The following HOMER1 variants were observed in gnomAD, a reference collection of about 807,000 sequenced individuals.
HOMER1 encodes the protein homer protein homolog 1.
A neutral mutation model predicts 48.9 loss-of-function variants in HOMER1; 3 were observed. The ratio of observed to expected loss-of-function variants is 0.06; its 90% confidence interval spans 0.03 to 0.16. The LOEUF is 0.16. Ranked by LOEUF, HOMER1 falls within the 10% of genes least tolerant of loss-of-function variation. HOMER1 has a pLI of 1.00. For synonymous variants in HOMER1, 134 were observed against 146.4 expected (o/e 0.92, Z 0.61); for missense variants, 247 against 411.4 (o/e 0.60, Z 3.46).
chr5:79,468,627 CAT>C (rs1319573502), intron 1 of HOMER1, among the ~76,000 whole-genome samples: 8 of 152,192 alleles, frequency 5.3e-5, no homozygotes, highest in Non-Finnish European at 8.8e-5. Flanking sequence ...TATCGACAGA[CAT>C]ATAAGTAGTT....
intron 1 of HOMER1, among the ~76,000 whole-genome samples, chr5:79,505,724 C>T (rs894320680): frequency 2.6e-5 from 4 of 151,970 alleles, no homozygotes; most frequent in East Asian, 1.9e-4. Flanking sequence ...GGTAAGTGTA[C>T]TATGAAGATA....
chr5:79,439,302 G>C (rs549250594), intron 4 of HOMER1, among the ~76,000 whole-genome samples, 153 bp from the exon 5 acceptor site: 1 of 152,214 alleles, frequency 6.6e-6, no homozygotes, highest in Admixed American at 6.5e-5. Flanking sequence ...ATAAAACATG[G>C]AAATTTTTAT....
intron 5 of HOMER1, among the ~76,000 whole-genome samples, chr5:79,412,950 A>G (rs549459818): frequency 3.3e-5 from 5 of 152,220 alleles, no homozygotes; most frequent in Non-Finnish European, 7.4e-5. Context: ...TAGAAGATAT[A>G]AGGAGGAATC....
At chr5:79,432,716 A>G (rs10474004) in intron 5 of HOMER1, among the ~76,000 whole-genome samples, 32,503 of 152,082 alleles carry the variant, frequency 0.21, 3,598 homozygotes, top group South Asian at 0.35. Context: ...TTAGTCACTA[A>G]ATTATATTTA....
At chr5:79,376,920 C>A (rs1263400187) in intron 8 of HOMER1, among the ~76,000 whole-genome samples, 1 of 152,146 alleles carries the variant, frequency 6.6e-6, no homozygotes, top group Non-Finnish European at 1.5e-5. Flanking sequence ...TAAACTCTGG[C>A]ACACTTAAAA....
At chr5:79,379,145 ATTAT>A (rs1180771233) in intron 8 of HOMER1, among the ~76,000 whole-genome samples, 26 of 109,048 alleles carry the variant, frequency 2.4e-4, no homozygotes, top group African/African-American at 7.1e-4. Flanking sequence ...ATATATAAAA[ATTAT>A]TTATATAAAT....
chr5:79,401,624 A>C (rs1033213802), intron 6 of HOMER1, among the ~76,000 whole-genome samples: 1 of 152,214 alleles, frequency 6.6e-6, no homozygotes, highest in Admixed American at 6.5e-5. Flanking sequence ...CTAATACATT[A>C]GTGCTTTTAT....
intron 8 of HOMER1, among the ~76,000 whole-genome samples, chr5:79,387,061 T>C (rs112155726): frequency 1.6e-5 from 2 of 124,582 alleles, no homozygotes; most frequent in South Asian, 2.6e-4. Context: ...CCTTCCTCTT[T>C]CCTTTCTTTC....
At chr5:79,463,469 G>A (rs1029642879) in intron 1 of HOMER1, among the ~76,000 whole-genome samples, 2 of 152,132 alleles carry the variant, frequency 1.3e-5, no homozygotes, top group Non-Finnish European at 2.9e-5. Flanking sequence ...AATAGCATAC[G>A]GAAAAACAAA....
chr5:79,434,577 G>C (rs1750519729), intron 5 of HOMER1, among the ~76,000 whole-genome samples: 1 of 152,022 alleles, frequency 6.6e-6, no homozygotes, highest in South Asian at 2.1e-4. Context: ...TTTTTAGAAA[G>C]AAATAGCAAT....
chr5:79,397,482 C>G (rs1749418363), intron 7 of HOMER1, 45 bp downstream of exon 7: 1 of 1,115,816 alleles, frequency 9.0e-7, no homozygotes, highest in East Asian at 2.4e-5. Flanking sequence ...ATACTTTGTA[C>G]AAACATGTTA....
intron 1 of HOMER1, among the ~76,000 whole-genome samples, chr5:79,475,962 TAA>T (rs1464180893): frequency 2.6e-5 from 4 of 152,182 alleles, no homozygotes; most frequent in Non-Finnish European, 5.9e-5. Flanking sequence ...TAAAATTCAG[TAA>T]AGAGACAATT....
At chr5:79,475,678 T>C (rs1379408519) in intron 1 of HOMER1, among the ~76,000 whole-genome samples, 1 of 152,206 alleles carries the variant, frequency 6.6e-6, no homozygotes, top group Non-Finnish European at 1.5e-5. Context: ...TGTAATCTGT[T>C]ATAGAAGTGG....
intron 5 of HOMER1, among the ~76,000 whole-genome samples, chr5:79,423,238 G>A (rs1200711432): frequency 1.3e-5 from 2 of 152,096 alleles, no homozygotes; most frequent in Non-Finnish European, 1.5e-5. Context: ...GTTGCATTCT[G>A]GTTTCTTTTT....
chr5:79,485,031 G>A (rs1752058996), intron 1 of HOMER1, among the ~76,000 whole-genome samples: 1 of 151,968 alleles, frequency 6.6e-6, no homozygotes, highest in Non-Finnish European at 1.5e-5. Flanking sequence ...AGTCTGCTGG[G>A]GGCTGAGAAA....
At chr5:79,426,445 C>T (rs1409487602) in intron 5 of HOMER1, among the ~76,000 whole-genome samples, 2 of 151,944 alleles carry the variant, frequency 1.3e-5, no homozygotes, top group African/African-American at 4.8e-5. Context: ...TACATATACA[C>T]AATGGAGTAC....
chr5:79,396,248 C>T (rs756445642), intron 8 of HOMER1, among the ~76,000 whole-genome samples: 4 of 151,850 alleles, frequency 2.6e-5, no homozygotes, highest in Admixed American at 2.6e-4. Context: ...AACTTGTGTT[C>T]CATTAGGGCA....
intron 8 of HOMER1, among the ~76,000 whole-genome samples, chr5:79,389,547 T>G (rs571275979): frequency 6.6e-6 from 1 of 152,284 alleles, no homozygotes; most frequent in South Asian, 2.1e-4. Flanking sequence ...AAGGTCCTTA[T>G]AAAAGAGGTT....
intron 1 of HOMER1, among the ~76,000 whole-genome samples, chr5:79,460,308 G>A (rs527629902): frequency 3.3e-5 from 5 of 152,292 alleles, no homozygotes; most frequent in South Asian, 2.1e-4. Context: ...TTAGTCTGGC[G>A]TGGTGGTGCA....
Sources: allele counts gnomAD v4.1 joint callset (sites outside exome capture counted in the v4.1 genomes callset), GRCh38; gene constraint gnomAD v4.1.1; transcripts MANE v1.5; gene names NCBI Gene and HGNC (gene_info 2026-07-23, HGNC 2026-07-21).